ANKFY1: variants seen among roughly 807,000 people sequenced by gnomAD.
ANKFY1 encodes ankyrin repeat and FYVE domain-containing protein 1.
A neutral mutation model predicts 128.3 loss-of-function variants in ANKFY1; 47 were observed. The ratio of observed to expected loss-of-function variants is 0.37; its 90% CI spans 0.29 to 0.47. ANKFY1 has a LOEUF of 0.47. ANKFY1 is among the 20% of genes least tolerant of loss of function. ANKFY1 has a pLI of 1.00. For missense variants in ANKFY1, 1,222 were observed against 1,510.6 expected, an observed-to-expected ratio of 0.81 and a Z score of 3.17; for synonymous variants, 553 against 601.6, an observed-to-expected ratio of 0.92 and a Z score of 1.18.
At chr17:4,220,604 G>C (rs7224706) in intron 3 of ANKFY1, among the ~76,000 whole-genome samples, 77,542 of 152,038 alleles carry the variant, frequency 0.51, 21,675 homozygotes, top group East Asian at 0.75. Context: ...GGGAGGGCTT[G>C]ATATTTCAAA....
chr17:4,204,420 T>C (rs2059986907), intron 7 of ANKFY1, among the ~76,000 whole-genome samples: 1 of 152,234 alleles, frequency 6.6e-6, no homozygotes, highest in African/African-American at 2.4e-5. Context: ...CCTTGGTGAA[T>C]ACCAGCTTCA....
At chr17:4,259,572 G>A (rs961816071) in intron 1 of ANKFY1, among the ~76,000 whole-genome samples, 7 of 152,176 alleles carry the variant, frequency 4.6e-5, no homozygotes, top group African/African-American at 1.2e-4. Flanking sequence ...GTGAGCCACC[G>A]TGCCCGGCCT....
intron 3 of ANKFY1, chr17:4,222,812 T>C (rs1273791115): frequency 4.1e-6 from 4 of 986,930 alleles, no homozygotes; most frequent in Non-Finnish European, 4.9e-6. Flanking sequence ...ATGACAGCAT[T>C]AGTGCCAGCA....
intron 17 of ANKFY1, chr17:4,179,370 G>C: frequency 1.9e-6 from 1 of 518,702 alleles, no homozygotes; most frequent in Non-Finnish European, 3.5e-6. Context: ...GCACAGGCTC[G>C]AATGTTGAAA....
At chr17:4,235,258 A>G (rs11658367) in intron 3 of ANKFY1, among the ~76,000 whole-genome samples, 76,584 of 149,496 alleles carry the variant, frequency 0.51, 21,421 homozygotes, top group East Asian at 0.75. Flanking sequence ...CACGAGAATC[A>G]CTTGAACCTG....
intron 3 of ANKFY1, among the ~76,000 whole-genome samples, chr17:4,224,214 GTTTTTTTTTTT>G (rs33995900): frequency 9.0e-5 from 6 of 66,722 alleles, no homozygotes; most frequent in African/African-American, 1.8e-4. Context: ...CACCTTTGAA[GTTTTTTTTTTT>G]TTTTTTTTTT....
rs2143002937 is a variant in ANKFY1 at position 4,179,702 on chromosome 17, G to A, written c.2397+19C>T. 1 of 1,612,042 alleles carries A rather than the reference G, an allele frequency of 6.2e-7. No homozygotes were observed. The highest frequency in any genetic ancestry group is 2.2e-5 in the East Asian group (1 of 44,854). Reference sequence around the variant, plus strand: ...TGCTGGGGCTACACCTCTCTCCCCGGAAAAGAGAAACGACACACCTGTGCG... The same window carrying A: ...TGCTGGGGCTACACCTCTCTCCCCGAAAAAGAGAAACGACACACCTGTGCG... On this transcript the variant is annotated intron_variant, in intron 17 of 24. Transcript: ENST00000341657.
At chr17:4,242,222 C>A (rs775314036) in intron 2 of ANKFY1, 34 bp downstream of exon 2, 3 of 1,469,942 alleles carry the variant, frequency 2.0e-6, no homozygotes, top group Middle Eastern at 2.6e-4. Flanking sequence ...AGGAATAAAG[C>A]CAAAGGGCCT....
At chr17:4,172,479 C>T (rs1321185257) in intron 22 of ANKFY1, 77 bp downstream of exon 22, 18 of 1,559,824 alleles carry the variant, frequency 1.2e-5, no homozygotes, top group African/African-American at 1.4e-5. Flanking sequence ...CAGATAACGA[C>T]GTGTGCCTGG....
At position 4,197,564 on chromosome 17, in the gene ANKFY1, A is replaced by T; in HGVS notation, c.912T>A (p.Ala304=). The T allele has an allele frequency of 2.5e-6, 4 of 1,614,162 alleles. No individual in the cohort carries two copies. The highest frequency in any genetic ancestry group is 3.4e-6 in the Non-Finnish European group (4 of 1,180,012). Residue 304 remains alanine (A), a synonymous_variant, in exon 8 of 25, where the codon GCT becomes GCA. Transcript: ENST00000341657. ...HKGIQRGDLF[A]ATFLIKNGAF... ...CCCCATTCTTAATGAGGAAAGTGGC[A>T]GCAAAGAGATCTCCTTGAAAAGAAA...
In ANKFY1 at chr17:4,242,306, G is replaced by A. The variant is rs1271608736; in HGVS notation, c.153C>T (p.Ile51=). The A allele has an allele frequency of 6.3e-7, 1 of 1,594,468 alleles. No individual in the cohort carries two copies. The highest frequency in any genetic ancestry group is 8.5e-7 in the Non-Finnish European group (1 of 1,173,128). The change falls in exon 2 of 25, where the codon ATC becomes ATT. Residue 51 remains isoleucine, a synonymous_variant. Coordinates refer to ENST00000341657, the MANE Select transcript of ANKFY1 (RefSeq NM_001330063.2). ...CTGCCACGATGGCCAGCAGACGGCTGATGAAGGACTCGCTGCTGCTCTCCT... is the reference window on the plus strand; with the variant it reads ...CTGCCACGATGGCCAGCAGACGGCTAATGAAGGACTCGCTGCTGCTCTCCT... ...ANKESSSESF[I]SRLLAIVADL...
chr17:4,168,983 C>A, intron 24 of ANKFY1: 1 of 530,914 alleles, frequency 1.9e-6, no homozygotes, highest in Non-Finnish European at 3.4e-6. Flanking sequence ...CAGCCTCCAG[C>A]AGGAAAGCCA....
chr17:4,262,906 G>A (rs1968498394), intron 1 of ANKFY1, among the ~76,000 whole-genome samples: 1 of 152,160 alleles, frequency 6.6e-6, no homozygotes, highest in East Asian at 1.9e-4. Flanking sequence ...CCGACCAACT[G>A]TCAGGTGCTG....
intron 3 of ANKFY1, chr17:4,223,707 G>A: frequency 6.2e-7 from 1 of 1,601,602 alleles, no homozygotes; most frequent in Non-Finnish European, 8.6e-7. Context: ...CCAATCAACT[G>A]TCCTGATGAA....
intron 1 of ANKFY1, among the ~76,000 whole-genome samples, chr17:4,248,307 C>T (rs1244067062): frequency 1.3e-5 from 2 of 152,130 alleles, no homozygotes; most frequent in Non-Finnish European, 2.9e-5. Flanking sequence ...CTCACAGGAG[C>T]GTGAACCCTC....
chr17:4,166,130 A>G lies in ANKFY1; in HGVS notation c.*1649T>C, dbSNP rs1567899405. ...ACAAGCTTATATTCACATAGAAAGC[A>G]TATACATCTTATAAATCACAGACTT... On this transcript the variant is annotated 3_prime_UTR_variant, in exon 25 of 25. Coordinates refer to ENST00000341657, the MANE Select transcript of ANKFY1 (RefSeq NM_001330063.2). 6.6e-6 allele frequency: 1 copy of G among 152,238 alleles called. No individual in the cohort carries two copies. The highest frequency in any genetic ancestry group is 2.4e-5 in the African/African-American group (1 of 41,464). 9.4% of individuals were successfully genotyped at this position (152,238 alleles called of 1,614,324 possible).
intron 10 of ANKFY1, 140 bp from the exon 11 acceptor site, chr17:4,189,619 G>T: frequency 1.4e-6 from 1 of 730,554 alleles, no homozygotes; most frequent in South Asian, 1.8e-5. Flanking sequence ...GTAGGCCCAC[G>T]CCAGACAGTA....
rs1567911497 is a variant in ANKFY1, at chr17:4,177,309, CA to C, written c.2599-8del. The C allele has an allele frequency of 1.3e-6, 2 of 1,574,326 alleles. No individual in the cohort carries two copies. Among genetic ancestry groups the C allele is most frequent in the Non-Finnish European group, 1.7e-6 (2 of 1,159,248 alleles). The stretch of plus-strand genomic sequence containing the variant: ...TCCGGCCCTTGTTATCCACCTACAG[CA>C]ACAAGTGCAAAGCAAAATATTAGTT... On this transcript the variant is annotated splice_polypyrimidine_tract_variant and splice_region_variant and intron_variant, in intron 18 of 24. Coordinates refer to ENST00000341657, the MANE Select transcript of ANKFY1 (RefSeq NM_001330063.2).
At chr17:4,238,377 C>A (rs1355032640) in intron 2 of ANKFY1, among the ~76,000 whole-genome samples, 2 of 152,076 alleles carry the variant, frequency 1.3e-5, no homozygotes, top group Non-Finnish European at 2.9e-5. Flanking sequence ...GTTACCACAT[C>A]TCGACAGCTT....
Sources: allele counts gnomAD v4.1 joint callset (sites outside exome capture counted in the v4.1 genomes callset), GRCh38; gene constraint gnomAD v4.1.1; transcripts MANE v1.5; gene names NCBI Gene and HGNC (gene_info 2026-07-23, HGNC 2026-07-21).